ZFP30: variants seen among roughly 807,000 people sequenced by gnomAD.
ZFP30 encodes the protein ZFP30 zinc finger protein.
Under a neutral mutation model 12.3 loss-of-function variants are expected in ZFP30, and 16 were observed. The observed-to-expected ratio is 1.30, with a 90% CI of 0.88 to 1.98. The LOEUF (loss-of-function observed/expected upper bound fraction) is 1.98, where lower values mean the gene tolerates loss of function less well. ZFP30 is among the 30% of genes most tolerant of loss of function. The probability of loss-of-function intolerance (pLI) is 0.00; values close to 1 mark genes in which losing one functional copy is unlikely to be tolerated. For synonymous variants in ZFP30, 172 were observed against 201.0 expected (o/e 0.86, Z 1.22); for missense variants, 560 against 611.2 (o/e 0.92, Z 0.88).
In ZFP30 at chr19:37,643,246, C is replaced by G; in HGVS notation, c.235+19G>C. The stretch of plus-strand genomic sequence containing the variant: ...CTGGCCATGCCATAATGGCTGACCT[C>G]TGCCTGATCAGCACTTACCTAGAGT... On this transcript the variant is annotated intron_variant, in intron 5 of 5. Coordinates refer to ENST00000684514, the MANE Select transcript of ZFP30 (RefSeq NM_001320669.3). 1 of 1,601,902 alleles carries G rather than the reference C, an allele frequency of 6.2e-7. No individual in the cohort carries two copies. Among genetic ancestry groups the G allele is most frequent in the Non-Finnish European group, 8.5e-7 (1 of 1,172,248 alleles).
rs1382299438 is a variant in ZFP30, at chr19:37,631,672, T to C, written c.*3309A>G. The C allele has an allele frequency of 1.1e-5, 1 of 87,152 alleles. No individual in the cohort carries two copies. The highest frequency in any genetic ancestry group is 3.4e-4 in the East Asian group (1 of 2,974). The allele number at this position is 87,152 out of a possible 1,614,324, so 5.4% of individuals were successfully genotyped here. A position where few individuals can be genotyped will look rare whatever the true frequency, so the allele number is the denominator to read the frequency against. On this transcript the variant is annotated 3_prime_UTR_variant, in exon 6 of 6. Coordinates refer to ENST00000684514, the MANE Select transcript of ZFP30 (RefSeq NM_001320669.3). Reference sequence around the variant, plus strand: ...TAAAATTCATTCCATTCTTAATACATAGAAAGCTAAAAAAAAAAAAAAAAA... The same window carrying C: ...TAAAATTCATTCCATTCTTAATACACAGAAAGCTAAAAAAAAAAAAAAAAA...
In ZFP30 at chr19:37,639,798, T is replaced by TAA. The variant is rs36102656; in HGVS notation, c.235+3465_235+3466dup. Among the ~76,000 whole-genome samples, 533 of 148,730 alleles carry TAA rather than the reference T, an allele frequency of 3.6e-3. 2 individuals carry two copies. The highest frequency in any genetic ancestry group is 6.9e-3 in the Middle Eastern group (2 of 290). On this transcript the variant is annotated intron_variant, in intron 5 of 5. Coordinates refer to ENST00000684514, the MANE Select transcript of ZFP30 (RefSeq NM_001320669.3). ...ATCCTGTAAAATTTGAAGGTTTTCA[T>TAA]AAAAAAAAAAAAATTGCCAGTGTTG...
chr19:37,635,092 T>C lies in ZFP30; in HGVS notation c.1449A>G (p.Gln483=), dbSNP rs2044292548. The change falls in exon 6 of 6, where the codon CAA becomes CAG. Residue 483 remains glutamine (Q), a synonymous_variant. Transcript: ENST00000684514. ...KAFRLHSSLI[Q]HQRIHSGEKP... is the part of the protein sequence containing the mutation. ...TCTCACCAGAATGAATTCTCTGATG[T>C]TGAATCAGTGATGAATGAAGTCTAA... 4.3e-6 allele frequency: 7 copies of C among 1,613,658 alleles called. No individual in the cohort carries two copies. The highest frequency in any genetic ancestry group is 1.7e-5 in the Admixed American group (1 of 59,970).
At chr19:37,641,464 A>G (rs1263224913) in intron 5 of ZFP30, among the ~76,000 whole-genome samples, 1 of 152,232 alleles carries the variant, frequency 6.6e-6, no homozygotes, top group Non-Finnish European at 1.5e-5. Flanking sequence ...ATAACAGAGC[A>G]TTTCTAACAT....
At position 37,634,998 on chromosome 19, in the gene ZFP30, T is replaced by A. The variant is rs1163446516; in HGVS notation, c.1543A>T (p.Ile515Phe). The change falls in exon 6 of 6, where the codon ATT becomes TTT. Residue 515 changes from isoleucine to phenylalanine, a missense_variant. Transcript: ENST00000684514. Reference protein sequence around the residue: ...QHSHLTYHQRIHNVT With the variant: ...QHSHLTYHQRFHNVT ...AATAATTATTAAGTTACATTATGAATTCGCTGATGGTAAGTAAGATGTGAA... is the reference window on the plus strand; with the variant it reads ...AATAATTATTAAGTTACATTATGAAATCGCTGATGGTAAGTAAGATGTGAA... 1.9e-6 allele frequency: 3 copies of A among 1,550,012 alleles called. No homozygotes were observed. The Admixed American group carries it at 6.2e-5, about 32-fold the overall frequency.
At chr19:37,639,472 C>G (rs571227218) in intron 5 of ZFP30, among the ~76,000 whole-genome samples, 69 of 152,220 alleles carry the variant, frequency 4.5e-4, no homozygotes, top group African/African-American at 1.7e-3. Flanking sequence ...TGGCTCGCAC[C>G]TGTAATCCCC....
rs539323528 is a variant in ZFP30 at position 37,644,679 on chromosome 19, G to A, written c.67C>T (p.Leu23=). The A allele has an allele frequency of 1.4e-5, 22 of 1,613,576 alleles. No individual in the cohort carries two copies. The Admixed American group carries it at 2.3e-4, about 17-fold the overall frequency. ...VDFSQEEWEC[L]NSYQRNLYRD... Reference sequence around the variant, plus strand: ...TACAAATTCCTCTGATATGAGTTCAGGCATTCCCATTCTTCCTGAGAAAAG... The same window carrying A: ...TACAAATTCCTCTGATATGAGTTCAAGCATTCCCATTCTTCCTGAGAAAAG... Residue 23 remains leucine (L), a synonymous_variant, in exon 4 of 6, where the codon CTG becomes TTG. Transcript: ENST00000684514.
Position 37,635,366 on chromosome 19 carries a change from C to T in ZFP30, c.1175G>A (p.Arg392His), listed in dbSNP as rs376250796. The T allele has an allele frequency of 9.9e-6, 16 of 1,613,960 alleles. No homozygotes were observed. The highest frequency in any genetic ancestry group is 1.4e-5 in the Non-Finnish European group (16 of 1,180,004). ...YECKECQKFF[R>H]RYSELISHQG... ...ATGTGAAATAAGTTCTGAGTAACGA[C>T]GAAAGAACTTCTGACATTCCTTACA... Residue 392 changes from arginine (R) to histidine (H), a missense_variant, in exon 6 of 6, where the codon CGT (arginine) becomes CAT (histidine). By Grantham distance (29) the Arg-to-His change is conservative (BLOSUM62 0). Transcript: ENST00000684514.
At chr19:37,648,273 G>A (rs1415551065) in intron 2 of ZFP30, among the ~76,000 whole-genome samples, 1 of 152,064 alleles carries the variant, frequency 6.6e-6, no homozygotes, top group Admixed American at 6.5e-5. Context: ...AGCTGAAAAG[G>A]GGCTACACCA....
At chr19:37,653,902 CA>C (rs1177417118) in intron 2 of ZFP30, among the ~76,000 whole-genome samples, 2 of 152,196 alleles carry the variant, frequency 1.3e-5, no homozygotes, top group African/African-American at 4.8e-5. Flanking sequence ...TGGTCCACTG[CA>C]GGGTCTGGCT....
chr19:37,643,052 C>CAAAAAAAAAAAAAAA (rs951396776), intron 5 of ZFP30, among the ~76,000 whole-genome samples: 2 of 61,402 alleles, frequency 3.3e-5, no homozygotes, highest in Non-Finnish European at 6.2e-5. Flanking sequence ...GACTCCGTCT[C>CAAAAAAAAAAAAAAA]AAAAAAAAAA....
chr19:37,645,690 C>T (rs894823150), intron 3 of ZFP30, among the ~76,000 whole-genome samples: 1 of 151,438 alleles, frequency 6.6e-6, no homozygotes, highest in Non-Finnish European at 1.5e-5. Context: ...AGGAACAGTA[C>T]TTGCAAAGGA....
chr19:37,638,203 A>T lies in ZFP30; in HGVS notation c.236-1898T>A, dbSNP rs79835041. 3.9e-5 allele frequency among the ~76,000 whole-genome samples: 6 copies of T among 152,342 alleles called. No homozygotes were observed. The East Asian group carries it at 9.6e-4, about 24-fold the overall frequency. The stretch of plus-strand genomic sequence containing the variant: ...TTCCTACTTTGCATAATCATAAGTG[A>T]ACTTTGCCCCCTTTCACGACCAAGG... On this transcript the variant is annotated intron_variant, in intron 5 of 5. Coordinates refer to ENST00000684514, the MANE Select transcript of ZFP30 (RefSeq NM_001320669.3).
chr19:37,636,357 A>G (rs1244834784), intron 5 of ZFP30, 52 bp from the exon 6 acceptor site: 4 of 1,465,136 alleles, frequency 2.7e-6, no homozygotes, highest in Admixed American at 2.5e-5. Context: ...CAAAATAAAC[A>G]AACGAAAACT....
chr19:37,647,038 A>G (rs899280156), intron 3 of ZFP30, among the ~76,000 whole-genome samples: 1 of 152,202 alleles, frequency 6.6e-6, no homozygotes, highest in Admixed American at 6.5e-5. Context: ...TATTTAAAAT[A>G]TTTGACCTTG....
intron 5 of ZFP30, among the ~76,000 whole-genome samples, chr19:37,642,872 G>A (rs1205139108): frequency 6.6e-6 from 1 of 151,900 alleles, no homozygotes; most frequent in Admixed American, 6.6e-5. Context: ...CTAACATGGT[G>A]AAACCCCGTC....
intron 5 of ZFP30, 140 bp downstream of exon 5, chr19:37,643,125 G>T: frequency 1.7e-6 from 1 of 585,312 alleles, no homozygotes; most frequent in Non-Finnish European, 3.0e-6. Flanking sequence ...GTCTTTGATG[G>T]CTCATGCTGA....
intron 5 of ZFP30, among the ~76,000 whole-genome samples, chr19:37,636,949 G>A (rs983962247): frequency 3.9e-5 from 6 of 152,016 alleles, no homozygotes; most frequent in Admixed American, 3.9e-4. Context: ...GACCTCAAGT[G>A]ATCCGCCTGC....
chr19:37,652,957 A>C (rs2044681428), intron 2 of ZFP30, among the ~76,000 whole-genome samples: 1 of 151,866 alleles, frequency 6.6e-6, no homozygotes, highest in Non-Finnish European at 1.5e-5. Context: ...GTCTCTACTA[A>C]ATACAAAAAA....
Sources: gnomAD v4.1 joint callset for allele counts (sites outside exome capture counted in the v4.1 genomes callset) on GRCh38, gnomAD v4.1.1 for gene constraint, MANE v1.5 for transcripts, NCBI Gene and HGNC (gene_info 2026-07-23, HGNC 2026-07-21) for gene names.